Variants in KCNJ6 observed in about 807,000 individuals in gnomAD.
KCNJ6 encodes potassium inwardly rectifying channel subfamily J member 6, also known as G protein-activated inward rectifier potassium channel 2.
A neutral mutation model predicts 34.2 loss-of-function variants in KCNJ6; 9 were observed. The ratio of observed to expected loss-of-function variants is 0.26; its 90% CI spans 0.16 to 0.46. KCNJ6 has a LOEUF of 0.46. Ranked by LOEUF, KCNJ6 falls within the 20% of genes least tolerant of loss-of-function variation. The pLI, the probability that KCNJ6 is intolerant of heterozygous loss-of-function variation, is 1.00. For missense variants in KCNJ6, 236 were observed against 531.3 expected (o/e 0.44, Z 5.46); for synonymous variants, 196 against 207.1 (o/e 0.95, Z 0.46).
intron 2 of KCNJ6, among the ~76,000 whole-genome samples, chr21:37,836,330 G>A (rs1165526027): frequency 2.6e-5 from 4 of 152,208 alleles, no homozygotes; most frequent in African/African-American, 9.7e-5. Flanking sequence ...ATACAGTGTG[G>A]CGATTCCTCA....
Position 37,616,275 on chromosome 21 carries a change from C to T in KCNJ6, c.*8884G>A, listed in dbSNP as rs895505757. 1 of 152,180 alleles carries T rather than the reference C, an allele frequency of 6.6e-6. No homozygotes were observed. The highest frequency in any genetic ancestry group is 1.5e-5 in the Non-Finnish European group (1 of 68,052). The allele number at this position is 152,180 out of a possible 1,614,324, so 9.4% of individuals were successfully genotyped here. A position where few individuals can be genotyped will look rare whatever the true frequency, so the allele number is the denominator to read the frequency against. ...GGGAAAGGAAAGAGCACTTTGCCAACACAGGCAGACACTTGGGGAGTCAAT... is the reference window on the plus strand; with the variant it reads ...GGGAAAGGAAAGAGCACTTTGCCAATACAGGCAGACACTTGGGGAGTCAAT... On this transcript the variant is annotated 3_prime_UTR_variant, in exon 4 of 4. Coordinates refer to ENST00000609713, the MANE Select transcript of KCNJ6 (RefSeq NM_002240.5).
At chr21:37,747,300 G>C (rs2054972363) in intron 2 of KCNJ6, among the ~76,000 whole-genome samples, 1 of 151,998 alleles carries the variant, frequency 6.6e-6, no homozygotes, top group African/African-American at 2.4e-5. Flanking sequence ...CCTTGCCTTA[G>C]AGGAGGTTCT....
chr21:37,680,789 G>T (rs142826851), intron 3 of KCNJ6, among the ~76,000 whole-genome samples: 5 of 152,290 alleles, frequency 3.3e-5, no homozygotes, highest in Non-Finnish European at 7.4e-5. Flanking sequence ...GTGAGCCAAT[G>T]CTTGTAATAA....
At chr21:37,700,617 G>A (rs1395234255) in intron 3 of KCNJ6, among the ~76,000 whole-genome samples, 2 of 152,180 alleles carry the variant, frequency 1.3e-5, no homozygotes, top group African/African-American at 2.4e-5. Flanking sequence ...GCATGGTAAT[G>A]GTCCAGCAGG....
intron 3 of KCNJ6, among the ~76,000 whole-genome samples, chr21:37,647,617 C>T (rs2054411659): frequency 6.6e-6 from 1 of 152,174 alleles, no homozygotes. Context: ...AGAGTTAGGC[C>T]TCAAACATTA....
chr21:37,721,737 G>A (rs895376697), intron 2 of KCNJ6, among the ~76,000 whole-genome samples: 6 of 152,180 alleles, frequency 3.9e-5, no homozygotes, highest in African/African-American at 7.2e-5. Context: ...ATAGATTTCC[G>A]CCGGTTGGAA....
At position 37,607,480 on chromosome 21, in the gene KCNJ6, A is replaced by AT. The variant is rs201554366; in HGVS notation, c.*17678dup. The AT allele has an allele frequency of 3.5e-4, 45 of 126,960 alleles. No individual in the cohort carries two copies. The highest frequency in any genetic ancestry group is 1.1e-3 in the African/African-American group (36 of 32,872). The allele number at this position is 126,960 out of a possible 1,614,324, so 7.9% of individuals were successfully genotyped here. On this transcript the variant is annotated 3_prime_UTR_variant, in exon 4 of 4. Coordinates refer to ENST00000609713, the MANE Select transcript of KCNJ6 (RefSeq NM_002240.5). ...TTCTTAAAGATATATATATATATAT[A>AT]TATTTTTTTTTTATTTTAAAAAAAT... is the stretch of plus-strand genomic sequence containing the variant.
At chr21:37,680,129 T>C (rs2054584274) in intron 3 of KCNJ6, among the ~76,000 whole-genome samples, 1 of 152,088 alleles carries the variant, frequency 6.6e-6, no homozygotes, top group African/African-American at 2.4e-5. Context: ...TCAACTGGTT[T>C]CCTCTACTGG....
Position 37,840,675 on chromosome 21 carries a change from T to C in KCNJ6, c.8A>G (p.Lys3Arg). 6.2e-7 allele frequency: 1 copy of C among 1,602,860 alleles called. No homozygotes were observed. Among genetic ancestry groups the C allele is most frequent in the Admixed American group, 1.7e-5 (1 of 59,342 alleles). ...CTACTCACTCATGGATTCTGTCAGC[T>C]TGGCCATTGTTGCAGTTTCTTCTTT... Reference protein sequence around the residue: MAKLTESMTNVLE... With the variant: MARLTESMTNVLE... The change falls in exon 2 of 4, where the codon AAG becomes AGG. Residue 3 changes from lysine (K) to arginine (R), a missense_variant. Lys to Arg is a conservative substitution (Grantham distance 26). This residue lies in a region of KCNJ6 where 64 missense variants were observed against 68.9 expected (regional missense o/e 0.93). Coordinates refer to ENST00000609713, the MANE Select transcript of KCNJ6 (RefSeq NM_002240.5).
At chr21:37,758,994 A>T (rs543262830) in intron 2 of KCNJ6, among the ~76,000 whole-genome samples, 2 of 152,330 alleles carry the variant, frequency 1.3e-5, no homozygotes, top group East Asian at 3.9e-4. Context: ...AGCCCTGCTC[A>T]CATGGGTTGC....
intron 1 of KCNJ6, among the ~76,000 whole-genome samples, chr21:37,891,598 G>A (rs1270063110): frequency 6.6e-6 from 1 of 152,066 alleles, no homozygotes; most frequent in Non-Finnish European, 1.5e-5. Context: ...TATGAATTGA[G>A]TACTTGTAGG....
intron 3 of KCNJ6, among the ~76,000 whole-genome samples, chr21:37,663,730 T>C (rs1349573414): frequency 2.6e-5 from 4 of 152,098 alleles, no homozygotes; most frequent in Non-Finnish European, 5.9e-5. Context: ...AGTTTCACAG[T>C]AGAAAAAACC....
Position 37,726,287 on chromosome 21 carries a change from G to A in KCNJ6, c.26-11156C>T, listed in dbSNP as rs986675062. ...TGTTTTACTGTTTTCTTTTTCTGTC[G>A]TGTTTTTCACCTTCCAATATGGTAG... On this transcript the variant is annotated intron_variant, in intron 2 of 3. Transcript: ENST00000609713. 7.9e-5 allele frequency among the ~76,000 whole-genome samples: 12 copies of A among 152,020 alleles called. No individual in the cohort carries two copies. The East Asian group carries it at 1.2e-3, about 15-fold the overall frequency.
At chr21:37,716,379 ATTTTTTT>A (rs367708496) in intron 2 of KCNJ6, among the ~76,000 whole-genome samples, 3 of 140,240 alleles carry the variant, frequency 2.1e-5, no homozygotes, top group Non-Finnish European at 4.6e-5. Flanking sequence ...AAAAGTTTAA[ATTTTTTT>A]TTTTTTTTTT....
intron 1 of KCNJ6, among the ~76,000 whole-genome samples, chr21:37,912,148 A>T (rs1476223766): frequency 6.6e-6 from 1 of 152,166 alleles, no homozygotes; most frequent in East Asian, 1.9e-4. Context: ...AGAGGTATCA[A>T]AATGATTTTT....
intron 1 of KCNJ6, among the ~76,000 whole-genome samples, chr21:37,891,909 G>T (rs1005999061): frequency 7.9e-5 from 12 of 152,128 alleles, no homozygotes; most frequent in Admixed American, 4.6e-4. Flanking sequence ...CTCAAGTGTG[G>T]GATGGGGAAG....
intron 1 of KCNJ6, among the ~76,000 whole-genome samples, chr21:37,913,753 G>A (rs138751326): frequency 2.6e-5 from 4 of 152,158 alleles, no homozygotes; most frequent in African/African-American, 9.7e-5. Context: ...GGGACGCAGA[G>A]GTTGCAGTGA....
Position 37,614,465 on chromosome 21 carries a change from C to CGT in KCNJ6, c.*10692_*10693dup. ...GTGTGTATGCATGTGTCTGTGTCTG[C>CGT]GTGTGTGTGTATGCATGTGTCTGTG... On this transcript the variant is annotated 3_prime_UTR_variant, in exon 4 of 4. Transcript: ENST00000609713. 7.9e-6 allele frequency: 1 copy of CGT among 125,884 alleles called. No homozygotes were observed. The highest frequency in any genetic ancestry group is 3.0e-5 in the African/African-American group (1 of 32,882). The allele number at this position is 125,884 out of a possible 1,614,324, so 7.8% of individuals were successfully genotyped here.
chr21:37,863,459 TG>T (rs1310886029), intron 1 of KCNJ6, among the ~76,000 whole-genome samples: 1 of 152,268 alleles, frequency 6.6e-6, no homozygotes, highest in Non-Finnish European at 1.5e-5. Flanking sequence ...GAAAGGGCTG[TG>T]TCCATTTATG....
Sources: allele counts gnomAD v4.1 joint callset (sites outside exome capture counted in the v4.1 genomes callset), GRCh38; gene constraint gnomAD v4.1.1; regional missense constraint gnomAD v4.1.1; transcripts MANE v1.5; gene names NCBI Gene and HGNC (gene_info 2026-07-23, HGNC 2026-07-21).